Variants in ZDHHC14 observed in about 807,000 individuals in gnomAD.
The protein encoded by ZDHHC14 is palmitoyltransferase ZDHHC14.
A neutral mutation model predicts 47.7 loss-of-function variants in ZDHHC14; 16 were observed. The observed-to-expected ratio is 0.34, with a 90% CI of 0.23 to 0.51. The LOEUF (loss-of-function observed/expected upper bound fraction) is 0.51, where lower values mean the gene tolerates loss of function less well. Among genes scored for constraint, ZDHHC14 ranks in the 20% least tolerant of loss-of-function variants. ZDHHC14 has a pLI of 0.97. For synonymous variants in ZDHHC14, 293 were observed against 278.9 expected (o/e 1.05, Z -0.50); for missense variants, 515 against 662.5 (o/e 0.78, Z 2.44).
At chr6:157,384,632 T>C (rs1221399235) in intron 1 of ZDHHC14, among the ~76,000 whole-genome samples, 1 of 152,238 alleles carries the variant, frequency 6.6e-6, no homozygotes, top group Non-Finnish European at 1.5e-5. Flanking sequence ...GTATGATGCC[T>C]CTGTTTGGAA....
chr6:157,666,349 G>T (rs1778555708), intron 8 of ZDHHC14, among the ~76,000 whole-genome samples: 1 of 152,112 alleles, frequency 6.6e-6, no homozygotes, highest in Non-Finnish European at 1.5e-5. Context: ...ACCAGCAGTT[G>T]CATGATTTAT....
chr6:157,423,122 T>G (rs1288379700), intron 1 of ZDHHC14, among the ~76,000 whole-genome samples: 1 of 152,166 alleles, frequency 6.6e-6, no homozygotes, highest in Non-Finnish European at 1.5e-5. Flanking sequence ...TAAAAGTTAT[T>G]GTTGTTGATA....
chr6:157,462,263 G>A (rs1779106994), intron 1 of ZDHHC14, among the ~76,000 whole-genome samples: 1 of 152,092 alleles, frequency 6.6e-6, no homozygotes, highest in Non-Finnish European at 1.5e-5. Context: ...CAGAGTTGAC[G>A]GACATGCCTG....
intron 2 of ZDHHC14, among the ~76,000 whole-genome samples, chr6:157,552,744 C>T (rs191061133): frequency 7.4e-4 from 113 of 152,294 alleles, no homozygotes; most frequent in African/African-American, 2.6e-3. Context: ...GCCAGGCCTT[C>T]CCTGCAGAGC....
rs144218470 is a variant in ZDHHC14 at position 157,602,556 on chromosome 6, G to A, written c.565+9410G>A. ...TGTGTGCAGGTTCTGGGAGAGCGCA[G>A]ATTCCCCAGTTTGTCCCTATGCTGA... On this transcript the variant is annotated intron_variant, in intron 3 of 8. Transcript: ENST00000359775. Among the ~76,000 whole-genome samples, 741 of 151,758 alleles carry A rather than the reference G, an allele frequency of 4.9e-3. 1 individual carries two copies. The highest frequency in any genetic ancestry group is 8.0e-3 in the Non-Finnish European group (545 of 67,936).
chr6:157,554,881 C>G (rs984914131), intron 2 of ZDHHC14, among the ~76,000 whole-genome samples: 1 of 152,160 alleles, frequency 6.6e-6, no homozygotes, highest in Non-Finnish European at 1.5e-5. Context: ...ACTTCTTGGG[C>G]AGGGTCAGTT....
intron 2 of ZDHHC14, among the ~76,000 whole-genome samples, chr6:157,574,631 ACT>A (rs1343699554): frequency 6.6e-6 from 1 of 151,904 alleles, no homozygotes; most frequent in Non-Finnish European, 1.5e-5. Context: ...AGAATCCAAG[ACT>A]CACCCTGGTC....
intron 1 of ZDHHC14, among the ~76,000 whole-genome samples, chr6:157,419,176 G>A (rs575554012): frequency 1.3e-5 from 2 of 152,248 alleles, no homozygotes; most frequent in African/African-American, 4.8e-5. Flanking sequence ...TGTCCCTCCA[G>A]TCTTTGGCTG....
chr6:157,619,021 C>G (rs1172799951), intron 3 of ZDHHC14, among the ~76,000 whole-genome samples: 1 of 152,132 alleles, frequency 6.6e-6, no homozygotes, highest in Non-Finnish European at 1.5e-5. Flanking sequence ...CCCAGCAGAG[C>G]TTACTCAGGG....
intron 8 of ZDHHC14, among the ~76,000 whole-genome samples, chr6:157,663,649 G>A (rs962504373): frequency 6.6e-5 from 10 of 152,300 alleles, no homozygotes; most frequent in African/African-American, 2.4e-4. Flanking sequence ...ATGGGCTTCT[G>A]TGGTTTAGGG....
intron 2 of ZDHHC14, among the ~76,000 whole-genome samples, chr6:157,566,568 C>T (rs867750662): frequency 1.3e-5 from 2 of 152,312 alleles, no homozygotes; most frequent in South Asian, 4.1e-4. Flanking sequence ...GCCACTTCTG[C>T]TCTTTCAGGG....
chr6:157,633,082 G>A (rs553927605), intron 5 of ZDHHC14, among the ~76,000 whole-genome samples, 200 bp downstream of exon 5: 25 of 152,232 alleles, frequency 1.6e-4, no homozygotes, highest in African/African-American at 6.0e-4. Flanking sequence ...TTTAAATCGA[G>A]GGCTAGGAAG....
chr6:157,669,276 A>G (rs1778686584), intron 8 of ZDHHC14, among the ~76,000 whole-genome samples: 1 of 151,756 alleles, frequency 6.6e-6, no homozygotes. Context: ...GGGAGAGGAA[A>G]AGGGCCAGCA....
chr6:157,384,521 CT>C (rs1169624333), intron 1 of ZDHHC14, among the ~76,000 whole-genome samples: 11 of 152,094 alleles, frequency 7.2e-5, no homozygotes, highest in Admixed American at 2.0e-4. Flanking sequence ...TATATCAGCT[CT>C]GTGGGAGCGT....
At chr6:157,649,027 C>G (rs1204101681) in intron 7 of ZDHHC14, among the ~76,000 whole-genome samples, 1 of 152,206 alleles carries the variant, frequency 6.6e-6, no homozygotes, top group African/African-American at 2.4e-5. Context: ...CAAACTGTCA[C>G]AACCAAAATT....
rs1332809885 is a variant in ZDHHC14, at chr6:157,662,630, C to T, written c.1068+9003C>T. On this transcript the variant is annotated intron_variant, in intron 8 of 8. Transcript: ENST00000359775. ...TCCAATTTTGCCACATCTCCAAAGA[C>T]CTCCACCCTGGATGTAAAACTAGGA... is the stretch of plus-strand genomic sequence containing the variant. Among the ~76,000 whole-genome samples, 3 of 152,370 alleles carry T rather than the reference C, an allele frequency of 2.0e-5. No homozygotes were observed. The East Asian group carries it at 5.8e-4, about 29-fold the overall frequency.
intron 1 of ZDHHC14, among the ~76,000 whole-genome samples, chr6:157,522,925 CTTT>C: frequency 1.7e-5 from 1 of 57,334 alleles, no homozygotes; most frequent in East Asian, 3.2e-4. Context: ...TCCTTCCTTT[CTTT>C]CTTTCTTTCT....
At position 157,456,930 on chromosome 6, in the gene ZDHHC14, C is replaced by T. The variant is rs1256855530; in HGVS notation, c.245+74664C>T. On this transcript the variant is annotated intron_variant, in intron 1 of 8. Coordinates refer to ENST00000359775, the MANE Select transcript of ZDHHC14 (RefSeq NM_024630.3). Reference sequence around the variant, plus strand: ...TCGGAAGGCCAAGGCGGGTGGATCACCTGATGTCAGGAGTTCGAGAGCAGC... The same window carrying T: ...TCGGAAGGCCAAGGCGGGTGGATCATCTGATGTCAGGAGTTCGAGAGCAGC... Among the ~76,000 whole-genome samples the T allele has an allele frequency of 7.9e-5, 12 of 152,012 alleles. No homozygotes were observed. The South Asian group carries it at 1.0e-3, about 13-fold the overall frequency.
intron 8 of ZDHHC14, among the ~76,000 whole-genome samples, chr6:157,662,428 C>T (rs1017546083): frequency 1.4e-4 from 22 of 152,234 alleles, no homozygotes; most frequent in Non-Finnish European, 2.2e-4. Flanking sequence ...GTAATCCGCT[C>T]GCCCTGGCCT....
Sources: gnomAD v4.1 joint callset for allele counts (sites outside exome capture counted in the v4.1 genomes callset) on GRCh38, gnomAD v4.1.1 for gene constraint, MANE v1.5 for transcripts, NCBI Gene and HGNC (gene_info 2026-07-23, HGNC 2026-07-21) for gene names.